The following CYB561D2 variants were observed in gnomAD, a reference collection of about 807,000 sequenced individuals.
CYB561D2 encodes cytochrome b561 family member D2.
Under a neutral mutation model 20.2 loss-of-function variants are expected in CYB561D2, and 16 were observed. The ratio of observed to expected loss-of-function variants is 0.79; its 90% CI spans 0.53 to 1.20. The LOEUF (loss-of-function observed/expected upper bound fraction) is 1.20. CYB561D2 is among the 50% of genes most tolerant of loss of function. CYB561D2 has a pLI of 0.00. For missense variants in CYB561D2, 247 were observed against 270.3 expected (o/e 0.91, Z 0.60); for synonymous variants, 135 against 128.3 (o/e 1.05, Z -0.35).
intron 1 of CYB561D2, 28 bp from the exon 2 acceptor site, chr3:50,351,381 A>G (rs1559859208): frequency 1.3e-6 from 2 of 1,592,326 alleles, no homozygotes; most frequent in Non-Finnish European, 1.7e-6. Context: ...GGCACCTGAG[A>G]TCCTGGCCCA....
chr3:50,353,217 G>A, intron 3 of CYB561D2, 24 bp from the exon 4 acceptor site: 1 of 1,535,690 alleles, frequency 6.5e-7, no homozygotes, highest in East Asian at 2.3e-5. Context: ...CCTCACTTGA[G>A]CTTCCCATCC....
Position 50,353,540 on chromosome 3 carries a change from C to T in CYB561D2, c.465C>T (p.Leu155=). Residue 155 remains leucine (L), a synonymous_variant, in exon 4 of 4, where the codon CTC becomes CTT. Transcript: ENST00000425346. ...KLLPRWPLAK[L]KLYHATSGLV... The stretch of plus-strand genomic sequence containing the variant: ...TGCCCCGATGGCCCCTGGCGAAGCT[C>T]AAGCTATACCATGCTACTTCTGGGC... 6.2e-7 allele frequency: 1 copy of T among 1,613,724 alleles called. No individual in the cohort carries two copies. The highest frequency in any genetic ancestry group is 8.5e-7 in the Non-Finnish European group (1 of 1,180,032).
rs2233473 is a variant in CYB561D2, at chr3:50,351,208, C to A, written c.-25-201C>A. On this transcript the variant is annotated intron_variant, in intron 1 of 3. Transcript: ENST00000425346. The stretch of plus-strand genomic sequence containing the variant: ...CTGGAAGGCGGGCCAGCGATTGGTA[C>A]CAGTTCAGACATGGGTACACGTTGA... 2,067 of 570,252 alleles carry A rather than the reference C, an allele frequency of 3.6e-3. 94 individuals are homozygous for A. The East Asian group carries it at 0.063, about 17-fold the overall frequency. 35.3% of individuals were successfully genotyped at this position (570,252 alleles called of 1,614,324 possible).
At chr3:50,353,103 G>A (rs587671951) in intron 3 of CYB561D2, 138 bp from the exon 4 acceptor site, 1 of 1,276,208 alleles carries the variant, frequency 7.8e-7, no homozygotes, top group East Asian at 2.4e-5. Flanking sequence ...CCCACCAAAT[G>A]GATAGTCTTG....
chr3:50,351,517 G>C lies in CYB561D2; in HGVS notation c.84G>C (p.Leu28=), dbSNP rs1203496154. ...GCGCTGCCGCCCACCTTGTGGCCCT[G>C]GGCTTTACCATCTTTGTGGCTGTGC... ...ASGAAAHLVA[L]GFTIFVAVLA... The change falls in exon 2 of 4, where the codon CTG becomes CTC. Residue 28 remains leucine, a synonymous_variant. Transcript: ENST00000425346. 3 of 1,612,230 alleles carry C rather than the reference G, an allele frequency of 1.9e-6. No homozygotes were observed. Among genetic ancestry groups the C allele is most frequent in the Non-Finnish European group, 2.5e-6 (3 of 1,179,242 alleles).
intron 3 of CYB561D2, among the ~76,000 whole-genome samples, chr3:50,352,486 CAA>C (rs61695988): frequency 3.7e-5 from 3 of 80,132 alleles, no homozygotes; most frequent in African/African-American, 4.2e-5. Context: ...GGCTCTGTCC[CAA>C]AAAAAAAAAA....
Position 50,353,543 on chromosome 3 carries a change from G to C in CYB561D2, c.468G>C (p.Lys156Asn). The change falls in exon 4 of 4, where the codon AAG (lysine) becomes AAC (asparagine). Residue 156 changes from lysine (K) to asparagine (N), a missense_variant. Lys to Asn is a moderately conservative substitution (Grantham distance 94, BLOSUM62 0). Coordinates refer to ENST00000425346, the MANE Select transcript of CYB561D2 (RefSeq NM_001291284.2). ...CCCGATGGCCCCTGGCGAAGCTCAAGCTATACCATGCTACTTCTGGGCTGG... is the reference window on the plus strand; with the variant it reads ...CCCGATGGCCCCTGGCGAAGCTCAACCTATACCATGCTACTTCTGGGCTGG... Reference protein sequence around the residue: ...LLPRWPLAKLKLYHATSGLVG... With the variant: ...LLPRWPLAKLNLYHATSGLVG... The C allele has an allele frequency of 6.2e-7, 1 of 1,613,738 alleles. No individual in the cohort carries two copies. The highest frequency in any genetic ancestry group is 8.5e-7 in the Non-Finnish European group (1 of 1,180,040).
At chr3:50,351,146 T>C in intron 1 of CYB561D2, 162 bp downstream of exon 1, 1 of 475,796 alleles carries the variant, frequency 2.1e-6, no homozygotes, top group East Asian at 3.9e-5. Context: ...TGGTACACGC[T>C]GGGATTTGTA....
chr3:50,352,584 C>G (rs1225238360), intron 3 of CYB561D2, among the ~76,000 whole-genome samples: 2 of 148,978 alleles, frequency 1.3e-5, no homozygotes, highest in African/African-American at 2.5e-5. Flanking sequence ...TACTCAGGAG[C>G]CTGAGGCAGG....
In CYB561D2 at chr3:50,354,014, TTGTAC is replaced by T; in HGVS notation, c.*275_*279del. On this transcript the variant is annotated 3_prime_UTR_variant, in exon 4 of 4. Transcript: ENST00000425346. Reference sequence around the variant, plus strand: ...GCCTCTCCTGCAAGGCAGCTCATACTTGTACTGTATGTTCAGAAATTTTAGGAGAG... The same window carrying T: ...GCCTCTCCTGCAAGGCAGCTCATACTTGTATGTTCAGAAATTTTAGGAGAG... 5.0e-6 allele frequency: 2 copies of T among 398,810 alleles called. No individual in the cohort carries two copies. The highest frequency in any genetic ancestry group is 1.4e-4 in the South Asian group (2 of 14,586). The allele number at this position is 398,810 out of a possible 1,614,324, so 24.7% of individuals were successfully genotyped here. A position where few individuals can be genotyped will look rare whatever the true frequency, so the allele number is the denominator to read the frequency against.
At chr3:50,352,680 T>C (rs1703798055) in intron 3 of CYB561D2, among the ~76,000 whole-genome samples, 1 of 97,266 alleles carries the variant, frequency 1.0e-5, no homozygotes, top group African/African-American at 4.3e-5. Flanking sequence ...AGAGAGACTA[T>C]CTCCAAAAAA....
Position 50,353,423 on chromosome 3 carries a change from G to A in CYB561D2, c.348G>A (p.Leu116=). 4 of 1,613,398 alleles carry A rather than the reference G, an allele frequency of 2.5e-6. No individual in the cohort carries two copies. The highest frequency in any genetic ancestry group is 1.7e-4 in the Middle Eastern group (1 of 5,984). The part of the protein sequence containing the change: ...LHKEQLGKAH[L]VTRHGQAGLL... Reference sequence around the variant, plus strand: ...AAGAGCAGCTTGGCAAAGCCCACCTGGTTACGCGGCATGGGCAGGCAGGGC... The same window carrying A: ...AAGAGCAGCTTGGCAAAGCCCACCTAGTTACGCGGCATGGGCAGGCAGGGC... Residue 116 remains leucine, a synonymous_variant, in exon 4 of 4, where the codon CTG becomes CTA. Coordinates refer to ENST00000425346, the MANE Select transcript of CYB561D2 (RefSeq NM_001291284.2).
chr3:50,353,230 T>G lies in CYB561D2; in HGVS notation c.166-11T>G, dbSNP rs368699839. ...ACCCTCACTTGAGCTTCCCATCCCC[T>G]GTTTCCTCAGTTCTCCTTCCTGATG... is the stretch of plus-strand genomic sequence containing the variant. On this transcript the variant is annotated splice_polypyrimidine_tract_variant and intron_variant, in intron 3 of 3. Transcript: ENST00000425346. The G allele has an allele frequency of 2.6e-6, 4 of 1,536,338 alleles. No individual in the cohort carries two copies. Among genetic ancestry groups the G allele is most frequent in the South Asian group, 1.2e-5 (1 of 81,382 alleles).
In CYB561D2 at chr3:50,353,395, A is replaced by T; in HGVS notation, c.320A>T (p.His107Leu). The change falls in exon 4 of 4, where the codon CAC becomes CTC. Residue 107 changes from histidine to leucine, a missense_variant. Transcript: ENST00000425346. ...CTGGGCCTCGGCCTTGTCATCCTCC[A>T]CAAAGAGCAGCTTGGCAAAGCCCAC... is the stretch of plus-strand genomic sequence containing the variant. Reference protein sequence around the residue: ...ALLGLGLVILHKEQLGKAHLV... With the variant: ...ALLGLGLVILLKEQLGKAHLV... The T allele has an allele frequency of 6.2e-7, 1 of 1,613,422 alleles. No homozygotes were observed. Among genetic ancestry groups the T allele is most frequent in the Non-Finnish European group, 8.5e-7 (1 of 1,180,002 alleles).
chr3:50,352,019 C>T lies in CYB561D2; in HGVS notation c.138C>T (p.Ser46=), dbSNP rs758107728. Residue 46 remains serine, a synonymous_variant, in exon 3 of 4, where the codon TCC becomes TCT. Transcript: ENST00000425346. ...CTCTTCTCATTCCAGGCCTGTTCTCCTGGCACCCGGTGCTTATGTCTTTGG... is the reference window on the plus strand; with the variant it reads ...CTCTTCTCATTCCAGGCCTGTTCTCTTGGCACCCGGTGCTTATGTCTTTGG... ...VLARPGSSLF[S]WHPVLMSLAF... 74 of 1,613,860 alleles carry T rather than the reference C, an allele frequency of 4.6e-5. No homozygotes were observed. The highest frequency in any genetic ancestry group is 1.0e-4 in the Admixed American group (6 of 59,994).
At chr3:50,352,785 C>T (rs1703802457) in intron 3 of CYB561D2, among the ~76,000 whole-genome samples, 1 of 151,958 alleles carries the variant, frequency 6.6e-6, no homozygotes. Context: ...TGAGGCTTCA[C>T]CCACCTCTAG....
intron 2 of CYB561D2, 141 bp from the exon 3 acceptor site, chr3:50,351,868 C>T (rs1703773039): frequency 9.8e-7 from 1 of 1,025,346 alleles, no homozygotes; most frequent in Non-Finnish European, 1.5e-6. Flanking sequence ...GTGGGGTCAG[C>T]TTGTTGCAGA....
chr3:50,353,997 T>G lies in CYB561D2; in HGVS notation c.*253T>G. The G allele has an allele frequency of 2.0e-6, 1 of 510,004 alleles. No individual in the cohort carries two copies. The highest frequency in any genetic ancestry group is 3.5e-6 in the Non-Finnish European group (1 of 285,468). The allele number at this position is 510,004 out of a possible 1,614,324, so 31.6% of individuals were successfully genotyped here. ...GCTGGGGCTGCAAGACTGCCTCTCC[T>G]GCAAGGCAGCTCATACTTGTACTGT... On this transcript the variant is annotated 3_prime_UTR_variant, in exon 4 of 4. Transcript: ENST00000425346.
rs760259213 is a variant in CYB561D2, at chr3:50,353,501, C to T, written c.426C>T (p.Leu142=). ...GLQCSGGVGL[L]YPKLLPRWPL... ...AGTGCTCAGGTGGGGTGGGGCTGCT[C>T]TACCCCAAGCTGCTGCCCCGATGGC... The change falls in exon 4 of 4, where the codon CTC becomes CTT. Residue 142 remains leucine, a synonymous_variant. Coordinates refer to ENST00000425346, the MANE Select transcript of CYB561D2 (RefSeq NM_001291284.2). 4.3e-6 allele frequency: 7 copies of T among 1,613,318 alleles called. No individual in the cohort carries two copies. The highest frequency in any genetic ancestry group is 5.1e-6 in the Non-Finnish European group (6 of 1,179,994).
Sources: allele counts gnomAD v4.1 joint callset (sites outside exome capture counted in the v4.1 genomes callset), GRCh38; gene constraint gnomAD v4.1.1; transcripts MANE v1.5; gene names NCBI Gene and HGNC (gene_info 2026-07-23, HGNC 2026-07-21).